Variants in KRT1 observed in about 807,000 individuals in gnomAD.
KRT1 encodes keratin 1, also known as keratin, type II cytoskeletal 1.
A neutral mutation model predicts 51.6 loss-of-function variants in KRT1; 28 were observed. The observed-to-expected ratio is 0.54, with a 90% CI of 0.40 to 0.74. The LOEUF is 0.74. Ranked by LOEUF, KRT1 falls within the 30% of genes least tolerant of loss-of-function variation. The probability of loss-of-function intolerance (pLI) is 0.00; values close to 1 mark genes in which losing one functional copy is unlikely to be tolerated. For synonymous variants in KRT1, 301 were observed against 307.7 expected (o/e 0.98, Z 0.23); for missense variants, 783 against 815.5 (o/e 0.96, Z 0.49).
rs149480015 is a variant in KRT1, at chr12:52,680,117, T to C, written c.232A>G (p.Ile78Val). ...VNLGGSKSISISVARGGGRGS... is the reference protein window; with the variant it reads ...VNLGGSKSISVSVARGGGRGS... ...CGTCCACCTCCTCTAGCCACACTTATGGAGATGCTTTTACTGCCACCAAGG... is the reference window on the plus strand; with the variant it reads ...CGTCCACCTCCTCTAGCCACACTTACGGAGATGCTTTTACTGCCACCAAGG... The change falls in exon 1 of 9, where the codon ATA becomes GTA. Residue 78 changes from isoleucine (I) to valine (V), a missense_variant. Coordinates refer to ENST00000252244, the MANE Select transcript of KRT1 (RefSeq NM_006121.4). The C allele has an allele frequency of 1.5e-5, 24 of 1,567,702 alleles. No individual in the cohort carries two copies. In the African/African-American group the frequency reaches 2.6e-4, roughly 17 times the overall value.
chr12:52,675,118 G>C lies in KRT1; in HGVS notation c.*75C>G, dbSNP rs781120307. On this transcript the variant is annotated 3_prime_UTR_variant, in exon 9 of 9. Transcript: ENST00000252244. ...TTCTCCGGTAAGGCTGGGACAAATCGACCTCGGTCTTGCCAAGCATATTTG... is the reference window on the plus strand; with the variant it reads ...TTCTCCGGTAAGGCTGGGACAAATCCACCTCGGTCTTGCCAAGCATATTTG... 5 of 1,572,514 alleles carry C rather than the reference G, an allele frequency of 3.2e-6. No individual in the cohort carries two copies. Among genetic ancestry groups the C allele is most frequent in the Non-Finnish European group, 4.4e-6 (5 of 1,143,900 alleles).
chr12:52,679,691 G>C, intron 1 of KRT1, 67 bp downstream of exon 1: 1 of 1,402,004 alleles, frequency 7.1e-7, no homozygotes, highest in Non-Finnish European at 1.0e-6. Flanking sequence ...AACCTACTGT[G>C]TTTTGACTGC....
chr12:52,677,325 G>A lies in KRT1; in HGVS notation c.1119C>T (p.Tyr373=), dbSNP rs755745001. 5 of 1,614,084 alleles carry A rather than the reference G, an allele frequency of 3.1e-6. No individual in the cohort carries two copies. The South Asian group carries it at 4.4e-5, about 14-fold the overall frequency. The part of the protein sequence containing the change: ...QKSKAEAESL[Y]QSKYEELQIT... ...CTTTCAGCCCACTCACCTTGCTCTG[G>A]TACAAGGACTCGGCCTCAGCTTTGC... Residue 373 remains tyrosine, a synonymous_variant, in exon 5 of 9, where the codon TAC becomes TAT. Transcript: ENST00000252244.
At position 52,680,184 on chromosome 12, in the gene KRT1, G is replaced by A; in HGVS notation, c.165C>T (p.Ser55=). ...TTCCAAATCCACCACCAGCACCAAA[G>A]CTACCACCACCACCACCACAGCTTG... The part of the protein sequence containing the change: ...RFSSCGGGGG[S]FGAGGGFGSR... The change falls in exon 1 of 9, where the codon AGC becomes AGT. Residue 55 remains serine, a synonymous_variant. Transcript: ENST00000252244. 2 of 1,612,736 alleles carry A rather than the reference G, an allele frequency of 1.2e-6. No individual in the cohort carries two copies. Among genetic ancestry groups the A allele is most frequent in the South Asian group, 1.1e-5 (1 of 90,932 alleles).
In KRT1 at chr12:52,677,283, C is replaced by T. The variant is rs776718757; in HGVS notation, c.1128+33G>A. On this transcript the variant is annotated intron_variant, in intron 5 of 8. Transcript: ENST00000252244. The stretch of plus-strand genomic sequence containing the variant: ...CACAGGATAGCAAGACAAGCCATTT[C>T]AGGGAAACTGGCTAGGCTTTCAGCC... The T allele has an allele frequency of 4.9e-5, 79 of 1,614,096 alleles. No homozygotes were observed. The Admixed American group carries it at 1.3e-3, about 26-fold the overall frequency.
At chr12:52,679,617 T>A in intron 1 of KRT1, 141 bp downstream of exon 1, 2 of 783,466 alleles carry the variant, frequency 2.6e-6, no homozygotes, top group Non-Finnish European at 4.4e-6. Context: ...ATCTAACATA[T>A]CTCCTAGGAG....
Position 52,676,406 on chromosome 12 carries a change from C to T in KRT1, c.1344G>A (p.Glu448=), listed in dbSNP as rs1274295784. ...CTTCCTTGGCCTGCTGCAGGGCATC[C>T]TCCAGGTCATTCAGCTTGTTCTTGG... ...KDAKNKLNDL[E]DALQQAKEDL... is the part of the protein sequence containing the mutation. Residue 448 remains glutamate (E), a synonymous_variant, in exon 7 of 9, where the codon GAG becomes GAA. Coordinates refer to ENST00000252244, the MANE Select transcript of KRT1 (RefSeq NM_006121.4). 1 of 1,614,092 alleles carries T rather than the reference C, an allele frequency of 6.2e-7. No individual in the cohort carries two copies. Among genetic ancestry groups the T allele is most frequent in the Non-Finnish European group, 8.5e-7 (1 of 1,180,048 alleles).
At chr12:52,675,883 C>A in intron 7 of KRT1, 139 bp from the exon 8 acceptor site, 1 of 984,926 alleles carries the variant, frequency 1.0e-6, no homozygotes. Flanking sequence ...ATCCAATCCC[C>A]TCTGGCCTCC....
intron 6 of KRT1, 96 bp downstream of exon 6, chr12:52,676,963 T>A (rs1468157890): frequency 6.7e-7 from 1 of 1,489,712 alleles, no homozygotes; most frequent in Non-Finnish European, 9.2e-7. Flanking sequence ...AGCCTTGGGA[T>A]GAATTGCAAG....
Position 52,674,846 on chromosome 12 carries a change from A to C in KRT1, c.*347T>G. 2.3e-6 allele frequency: 1 copy of C among 436,552 alleles called. No homozygotes were observed. 27.0% of individuals were successfully genotyped at this position (436,552 alleles called of 1,614,324 possible). On this transcript the variant is annotated 3_prime_UTR_variant, in exon 9 of 9. Transcript: ENST00000252244. ...CTTATGTACAAAACCAAAACAGCAC[A>C]GAGATAAGATGCTAAGGAGCTGTCC...
At position 52,677,626 on chromosome 12, in the gene KRT1, C is replaced by T. The variant is rs766205230; in HGVS notation, c.963+24G>A. ...CTTAAAAACTCTCCATTTAGATAAA[C>T]TTGGTTGAAACTGGAAGACTTACTG... On this transcript the variant is annotated intron_variant, in intron 4 of 8. Transcript: ENST00000252244. The T allele has an allele frequency of 1.3e-5, 21 of 1,611,790 alleles. 2 individuals carry two copies. The South Asian group carries it at 2.2e-4, about 17-fold the overall frequency.
Position 52,678,181 on chromosome 12 carries a change from T to C in KRT1, c.849A>G (p.Glu283=), listed in dbSNP as rs1186578767. 4 of 1,614,192 alleles carry C rather than the reference T, an allele frequency of 2.5e-6. No individual in the cohort carries two copies. In the African/African-American group the frequency reaches 5.3e-5, roughly 22 times the overall value. The change falls in exon 3 of 9, where the codon GAA becomes GAG. Residue 283 remains glutamate, a synonymous_variant. Transcript: ENST00000252244. ...EINKRTNAEN[E]FVTIKKDVDG... Reference sequence around the variant, plus strand: ...TGCTTACCTTCTTGATGGTCACAAATTCATTCTCTGCATTTGTCCGCTTGT... The same window carrying C: ...TGCTTACCTTCTTGATGGTCACAAACTCATTCTCTGCATTTGTCCGCTTGT...
chr12:52,677,206 T>G, intron 5 of KRT1, 22 bp from the exon 6 acceptor site: 1 of 1,614,202 alleles, frequency 6.2e-7, no homozygotes, highest in East Asian at 2.2e-5. Flanking sequence ...AGATAGCGTT[T>G]GTTAAATGTA....
rs764560436 is a variant in KRT1, at chr12:52,677,300, C to G, written c.1128+16G>C. ...AGCCATTTCAGGGAAACTGGCTAGG[C>G]TTTCAGCCCACTCACCTTGCTCTGG... On this transcript the variant is annotated intron_variant, in intron 5 of 8. Coordinates refer to ENST00000252244, the MANE Select transcript of KRT1 (RefSeq NM_006121.4). 6 of 1,614,142 alleles carry G rather than the reference C, an allele frequency of 3.7e-6. No homozygotes were observed. The highest frequency in any genetic ancestry group is 5.1e-6 in the Non-Finnish European group (6 of 1,180,064).
At chr12:52,677,592 G>A (rs1275877179) in intron 4 of KRT1, 58 bp downstream of exon 4, 4 of 1,601,714 alleles carry the variant, frequency 2.5e-6, no homozygotes, top group East Asian at 2.2e-5. Flanking sequence ...GAATCGTTGT[G>A]GGTTCAGGCT....
chr12:52,675,412 G>A lies in KRT1; in HGVS notation c.1716C>T (p.Gly572=), dbSNP rs752065084. Residue 572 remains glycine, a synonymous_variant, in exon 9 of 9, where the codon GGC becomes GGT. Coordinates refer to ENST00000252244, the MANE Select transcript of KRT1 (RefSeq NM_006121.4). The part of the protein sequence containing the change: ...GGGSYGSGGG[G]GGHGSYGSGS... Reference sequence around the variant, plus strand: ...CGGAGCCGTAGCTGCCATGGCCGCCGCCGCCACCTCCAGAGCCATAGCTGC... The same window carrying A: ...CGGAGCCGTAGCTGCCATGGCCGCCACCGCCACCTCCAGAGCCATAGCTGC... 5.5e-5 allele frequency: 83 copies of A among 1,510,574 alleles called. No homozygotes were observed. Among genetic ancestry groups the A allele is most frequent in the Non-Finnish European group, 6.7e-5 (74 of 1,109,878 alleles). The allele number at this position is 1,510,574 out of a possible 1,614,324, so 93.6% of individuals were successfully genotyped here. A position where few individuals can be genotyped will look rare whatever the true frequency, so the allele number is the denominator to read the frequency against.
rs1436500384 is a variant in KRT1 at position 52,675,208 on chromosome 12, G to A, written c.1920C>T (p.Ser640=). The change falls in exon 9 of 9, where the codon TCC becomes TCT. Residue 640 remains serine (S), a synonymous_variant. Transcript: ENST00000252244. ...SSVKFVSTTY[S]GVTR The stretch of plus-strand genomic sequence containing the variant: ...GGGCATCTCTTTATCTGGTTACTCC[G>A]GAATAAGTGGTAGAAACAAACTTCA... 4.3e-6 allele frequency: 7 copies of A among 1,613,744 alleles called. No individual in the cohort carries two copies. The highest frequency in any genetic ancestry group is 8.5e-7 in the Non-Finnish European group (1 of 1,180,032).
In KRT1 at chr12:52,675,145, T is replaced by C. The variant is rs972600753; in HGVS notation, c.*48A>G. ...CCTCGGTCTTGCCAAGCATATTTGT[T>C]AGTGATGCTGGGGGAGAACTAGAGC... On this transcript the variant is annotated 3_prime_UTR_variant, in exon 9 of 9. Coordinates refer to ENST00000252244, the MANE Select transcript of KRT1 (RefSeq NM_006121.4). The C allele has an allele frequency of 3.7e-6, 6 of 1,607,432 alleles. No homozygotes were observed. The highest frequency in any genetic ancestry group is 1.3e-5 in the African/African-American group (1 of 74,772).
intron 3 of KRT1, 31 bp from the exon 4 acceptor site, chr12:52,677,776 A>T (rs2741158): frequency 1.3e-6 from 2 of 1,584,660 alleles, no homozygotes; most frequent in Admixed American, 1.7e-5. Context: ...ATGAAGGCAC[A>T]TTCTCTCCAG....
Sources: gnomAD v4.1 joint callset for allele counts on GRCh38, gnomAD v4.1.1 for gene constraint, MANE v1.5 for transcripts, NCBI Gene and HGNC (gene_info 2026-07-23, HGNC 2026-07-21) for gene names.